WDR17: variants seen among roughly 807,000 people sequenced by gnomAD.
WDR17 encodes WD repeat domain 17, also known as WD repeat-containing protein 17.
In WDR17, 143 loss-of-function variants were observed where a neutral mutation model predicts 161.7. The ratio of observed to expected loss-of-function variants is 0.88; its 90% CI spans 0.77 to 1.02. WDR17 has a LOEUF of 1.02. WDR17 is among the 50% of genes least tolerant of loss of function. WDR17 has a pLI of 0.00. For synonymous variants in WDR17, 517 were observed against 515.6 expected, an observed-to-expected ratio of 1.00 and a Z score of -0.04; for missense variants, 1,469 against 1,520.9, an observed-to-expected ratio of 0.97 and a Z score of 0.57.
intron 18 of WDR17, among the ~76,000 whole-genome samples, chr4:176,156,651 A>G (rs1203405712): frequency 3.3e-5 from 5 of 151,082 alleles, no homozygotes; most frequent in Non-Finnish European, 7.4e-5. Context: ...TTTTTTCTCA[A>G]GTGGGCTAGT....
chr4:176,138,295 T>G (rs2126779590), intron 9 of WDR17, among the ~76,000 whole-genome samples: 1 of 151,854 alleles, frequency 6.6e-6, no homozygotes, highest in South Asian at 2.1e-4. Flanking sequence ...TATAATTTCT[T>G]TGAAAATTGC....
chr4:176,091,289 T>C (rs1013964029), intron 1 of WDR17, among the ~76,000 whole-genome samples: 4 of 152,304 alleles, frequency 2.6e-5, no homozygotes, highest in South Asian at 4.1e-4. Context: ...TGAAATCATA[T>C]GAAATATCTT....
At chr4:176,078,271 A>AT (rs1578991897) in intron 1 of WDR17, among the ~76,000 whole-genome samples, 1 of 152,046 alleles carries the variant, frequency 6.6e-6, no homozygotes, top group Non-Finnish European at 1.5e-5. Flanking sequence ...ACACATTTGA[A>AT]TTTTTTTCCC....
chr4:176,091,709 GATAA>G (rs1428775864), intron 1 of WDR17, among the ~76,000 whole-genome samples: 1 of 151,722 alleles, frequency 6.6e-6, no homozygotes, highest in African/African-American at 2.4e-5. Context: ...TTTCAGAAAA[GATAA>G]ATAAAATCAA....
intron 4 of WDR17, among the ~76,000 whole-genome samples, chr4:176,124,582 T>G (rs1480500047): frequency 6.6e-6 from 1 of 152,106 alleles, no homozygotes; most frequent in Non-Finnish European, 1.5e-5. Context: ...TATTGTTATC[T>G]TCTCCATTAT....
chr4:176,166,429 A>G (rs1395168255), intron 22 of WDR17, among the ~76,000 whole-genome samples: 1 of 152,138 alleles, frequency 6.6e-6, no homozygotes, highest in Non-Finnish European at 1.5e-5. Flanking sequence ...GCAGAATGAA[A>G]TATCTCTTCT....
intron 1 of WDR17, chr4:176,096,444 C>T (rs1736870000): frequency 1.6e-6 from 2 of 1,217,746 alleles, no homozygotes; most frequent in Admixed American, 4.2e-5. Flanking sequence ...TTGGTTGAAA[C>T]ACATTGTTGT....
At chr4:176,113,097 C>G (rs1483841303) in intron 2 of WDR17, among the ~76,000 whole-genome samples, 1 of 151,972 alleles carries the variant, frequency 6.6e-6, no homozygotes, top group Admixed American at 6.6e-5. Context: ...ATTTTCACCC[C>G]CTTCATACAC....
intron 26 of WDR17, among the ~76,000 whole-genome samples, chr4:176,176,685 CTCTT>C (rs1304604378): frequency 2.0e-5 from 3 of 152,178 alleles, no homozygotes; most frequent in African/African-American, 4.8e-5. Flanking sequence ...CTCCCGTGTT[CTCTT>C]TCTGTCATTC....
chr4:176,177,136 T>A lies in WDR17; in HGVS notation c.3528T>A (p.Ala1176=). 1 of 1,613,676 alleles carries A rather than the reference T, an allele frequency of 6.2e-7. No individual in the cohort carries two copies. Among genetic ancestry groups the A allele is most frequent in the Non-Finnish European group, 8.5e-7 (1 of 1,179,720 alleles). The change falls in exon 27 of 29, where the codon GCT becomes GCA. Residue 1176 remains alanine, a synonymous_variant. Coordinates refer to ENST00000508596, the MANE Select transcript of WDR17 (RefSeq NM_181265.4). ...CTGAGGAATTGGATGCATGGAGAGC[T>A]TGCACACAGTCCACCAACAGGTGAG... The part of the protein sequence containing the change: ...YLSEELDAWR[A]CTQSTNRSLE...
intron 1 of WDR17, among the ~76,000 whole-genome samples, chr4:176,071,901 C>T (rs906593420): frequency 2.0e-5 from 3 of 152,202 alleles, no homozygotes; most frequent in African/African-American, 7.2e-5. Flanking sequence ...ATCTTTGAAT[C>T]GGTGTCTTGC....
intron 1 of WDR17, among the ~76,000 whole-genome samples, chr4:176,082,098 A>G (rs1382910640): frequency 6.6e-6 from 1 of 152,052 alleles, no homozygotes; most frequent in Non-Finnish European, 1.5e-5. Context: ...TGTATCTTTA[A>G]TAACTGGCTT....
Position 176,125,487 on chromosome 4 carries a change from A to G in WDR17, c.790+132A>G, listed in dbSNP as rs767515882. ...GCTCAATTATTATTTATTGTAGTAAATTACTAGTGTACTTTTATTTATATT... is the reference window on the plus strand; with the variant it reads ...GCTCAATTATTATTTATTGTAGTAAGTTACTAGTGTACTTTTATTTATATT... On this transcript the variant is annotated intron_variant, in intron 5 of 28. Transcript: ENST00000508596. 3 of 1,105,446 alleles carry G rather than the reference A, an allele frequency of 2.7e-6. No homozygotes were observed. In the African/African-American group the frequency reaches 4.8e-5, roughly 18 times the overall value. The allele number at this position is 1,105,446 out of a possible 1,614,324, so 68.5% of individuals were successfully genotyped here. A position where few individuals can be genotyped will look rare whatever the true frequency, so the allele number is the denominator to read the frequency against.
rs756390008 is a variant in WDR17 at position 176,177,498 on chromosome 4, C to T, written c.3576C>T (p.Pro1192=). 3 of 1,578,532 alleles carry T rather than the reference C, an allele frequency of 1.9e-6. No homozygotes were observed. Among genetic ancestry groups the T allele is most frequent in the Non-Finnish European group, 2.6e-6 (3 of 1,170,012 alleles). Residue 1192 remains proline, a synonymous_variant, in exon 28 of 29, where the codon CCC becomes CCT. Coordinates refer to ENST00000508596, the MANE Select transcript of WDR17 (RefSeq NM_181265.4). The part of the protein sequence containing the change: ...NRSLEDSPYT[P]PSDSQRMIYA... ...CATTAGAAGACTCTCCGTATACACC[C>T]CCTTCTGATTCACAAAGAATGATTT... is the stretch of plus-strand genomic sequence containing the variant.
chr4:176,080,047 A>G (rs891617159), intron 1 of WDR17, among the ~76,000 whole-genome samples: 2 of 152,044 alleles, frequency 1.3e-5, no homozygotes, highest in Non-Finnish European at 2.9e-5. Flanking sequence ...ATGCTGCCAC[A>G]TTGGGGATTA....
At chr4:176,155,974 TA>T in intron 17 of WDR17, 104 bp from the exon 18 acceptor site, 1 of 1,022,034 alleles carries the variant, frequency 9.8e-7, no homozygotes, top group Non-Finnish European at 1.4e-6. Context: ...AACTCAAATA[TA>T]AAAATACTAT....
chr4:176,129,842 C>G (rs528224209), intron 6 of WDR17, among the ~76,000 whole-genome samples: 3 of 152,106 alleles, frequency 2.0e-5, no homozygotes, highest in Non-Finnish European at 4.4e-5. Context: ...AAGTAATATG[C>G]TGGATGCTGG....
rs397837505 is a variant in WDR17, at chr4:176,152,294, C to CAAA, written c.2460+345_2460+347dup. On this transcript the variant is annotated intron_variant, in intron 17 of 28. Transcript: ENST00000508596. Reference sequence around the variant, plus strand: ...TGGGCTACAGAAAGAGACCCTATCTCAAAAAAAAAAAAAAAAAAAAGCCTG... The same window carrying CAAA: ...TGGGCTACAGAAAGAGACCCTATCTCAAAAAAAAAAAAAAAAAAAAAAAGCCTG... Among the ~76,000 whole-genome samples, 192 of 72,128 alleles carry CAAA rather than the reference C, an allele frequency of 2.7e-3. 7 individuals carry two copies. The highest frequency in any genetic ancestry group is 9.7e-3 in the African/African-American group (181 of 18,600). The allele number at this position is 72,128 out of a possible 152,430, so 47.3% of individuals were successfully genotyped here.
chr4:176,170,754 C>T (rs953227159), intron 23 of WDR17, among the ~76,000 whole-genome samples: 1 of 152,246 alleles, frequency 6.6e-6, no homozygotes, highest in Admixed American at 6.5e-5. Flanking sequence ...ATTAGACTTT[C>T]TGTTCAGACT....
Sources: allele counts gnomAD v4.1 joint callset (sites outside exome capture counted in the v4.1 genomes callset), GRCh38; gene constraint gnomAD v4.1.1; transcripts MANE v1.5; gene names NCBI Gene and HGNC (gene_info 2026-07-23, HGNC 2026-07-21).